The following CNTNAP5 variants were observed in gnomAD, a reference collection of about 807,000 sequenced individuals.
CNTNAP5 encodes the protein contactin associated protein family member 5.
Under a neutral mutation model 150.2 loss-of-function variants are expected in CNTNAP5, and 72 were observed. The observed-to-expected ratio is 0.48, with a 90% CI of 0.40 to 0.58. The LOEUF is 0.58. CNTNAP5 is among the 20% of genes least tolerant of loss of function. The pLI, the probability that CNTNAP5 is intolerant of heterozygous loss-of-function variation, is 0.00. For missense variants in CNTNAP5, 1,636 were observed against 1,626.2 expected, an observed-to-expected ratio of 1.01 and a Z score of -0.10; for synonymous variants, 672 against 619.8, an observed-to-expected ratio of 1.08 and a Z score of -1.25.
At chr2:124,721,097 T>G (rs539761055) in intron 13 of CNTNAP5, among the ~76,000 whole-genome samples, 1 of 152,282 alleles carries the variant, frequency 6.6e-6, no homozygotes, top group African/African-American at 2.4e-5. Flanking sequence ...CACCTTTGCC[T>G]CTGTCCAGCT....
chr2:124,114,507 T>G (rs1276927003), intron 1 of CNTNAP5, among the ~76,000 whole-genome samples: 1 of 151,992 alleles, frequency 6.6e-6, no homozygotes, highest in Non-Finnish European at 1.5e-5. Context: ...TGAATCCTAA[T>G]AATTTATTTA....
intron 1 of CNTNAP5, among the ~76,000 whole-genome samples, chr2:124,119,187 T>G (rs1683499289): frequency 6.6e-6 from 1 of 152,132 alleles, no homozygotes; most frequent in Non-Finnish European, 1.5e-5. Flanking sequence ...AGAAGGAACT[T>G]CCCCACTCAC....
chr2:124,918,560 T>G lies in CNTNAP5; in HGVS notation c.*4272T>G, dbSNP rs2104775908. 6.6e-6 allele frequency among the ~76,000 whole-genome samples: 1 copy of G among 152,176 alleles called. No homozygotes were observed. Among genetic ancestry groups the G allele is most frequent in the East Asian group, 1.9e-4 (1 of 5,140 alleles). On this transcript the variant is annotated 3_prime_UTR_variant, in exon 24 of 24. Coordinates refer to ENST00000682447, the MANE Select transcript of CNTNAP5 (RefSeq NM_001367498.1). ...TCCAAGATATCCAGGGAGATGAGGA[T>G]GAGACCTGTTGAATTTTTTCTTAGG...
In CNTNAP5 at chr2:124,419,140, C is replaced by CAAAAAAA. The variant is rs778863758; in HGVS notation, c.529+1567_529+1573dup. On this transcript the variant is annotated intron_variant, in intron 4 of 23. Coordinates refer to ENST00000682447, the MANE Select transcript of CNTNAP5 (RefSeq NM_001367498.1). ...TGGGCGACAGAGCGAGACTCCTTCTCAAAAAAAAAAAAAAAAAAAAAAACA... is the reference window on the plus strand; with the variant it reads ...TGGGCGACAGAGCGAGACTCCTTCTCAAAAAAAAAAAAAAAAAAAAAAAAAAAAAACA... Among the ~76,000 whole-genome samples the CAAAAAAA allele has an allele frequency of 5.2e-4, 15 of 28,914 alleles. 2 individuals are homozygous for CAAAAAAA. The highest frequency in any genetic ancestry group is 1.1e-3 in the African/African-American group (10 of 9,432). 19.0% of individuals were successfully genotyped at this position (28,914 alleles called of 152,430 possible).
At chr2:124,826,787 T>C (rs1015203155) in intron 19 of CNTNAP5, among the ~76,000 whole-genome samples, 1 of 152,150 alleles carries the variant, frequency 6.6e-6, no homozygotes, top group African/African-American at 2.4e-5. Context: ...ACCCCTGAGA[T>C]AGCGCTCACC....
intron 3 of CNTNAP5, among the ~76,000 whole-genome samples, chr2:124,322,894 A>G (rs1176341172): frequency 6.6e-6 from 1 of 152,208 alleles, no homozygotes; most frequent in Non-Finnish European, 1.5e-5. Flanking sequence ...AATAAACATT[A>G]GCTGAGCATC....
intron 3 of CNTNAP5, among the ~76,000 whole-genome samples, chr2:124,266,032 A>G (rs913780240): frequency 3.3e-5 from 5 of 152,102 alleles, no homozygotes; most frequent in African/African-American, 1.2e-4. Flanking sequence ...TCCCATCCTT[A>G]TTAGCTCCGT....
chr2:124,383,230 G>A (rs1230826119), intron 3 of CNTNAP5, among the ~76,000 whole-genome samples: 1 of 152,114 alleles, frequency 6.6e-6, no homozygotes, highest in Admixed American at 6.6e-5. Flanking sequence ...GCTTTCCCTG[G>A]AGCTTACAAT....
intron 13 of CNTNAP5, among the ~76,000 whole-genome samples, chr2:124,701,546 T>A (rs142410501): frequency 7.2e-4 from 109 of 152,276 alleles, no homozygotes; most frequent in African/African-American, 2.5e-3. Flanking sequence ...ATGCATTGAA[T>A]AGGGATCACT....
chr2:124,732,930 A>G (rs1475831681), intron 13 of CNTNAP5, among the ~76,000 whole-genome samples: 3 of 152,178 alleles, frequency 2.0e-5, no homozygotes, highest in African/African-American at 7.2e-5. Flanking sequence ...TCAGAATATA[A>G]ACAACAGTGG....
At chr2:124,766,918 T>C (rs1391992157) in intron 16 of CNTNAP5, among the ~76,000 whole-genome samples, 1 of 152,104 alleles carries the variant, frequency 6.6e-6, no homozygotes, top group Non-Finnish European at 1.5e-5. Context: ...GAACATATAC[T>C]CTCCAAGACA....
chr2:124,840,552 TAAC>T (rs998687195), intron 19 of CNTNAP5, among the ~76,000 whole-genome samples: 3 of 152,060 alleles, frequency 2.0e-5, no homozygotes, highest in African/African-American at 7.2e-5. Flanking sequence ...TGGCTGCAAC[TAAC>T]AACCTTATCA....
At chr2:124,782,140 T>C (rs111738418) in intron 17 of CNTNAP5, among the ~76,000 whole-genome samples, 2 of 152,240 alleles carry the variant, frequency 1.3e-5, no homozygotes, top group Non-Finnish European at 2.9e-5. Flanking sequence ...TATTGTGTTA[T>C]GCGTTTCCTC....
In CNTNAP5 at chr2:124,918,374, G is replaced by A. The variant is rs1160966769; in HGVS notation, c.*4086G>A. Among the ~76,000 whole-genome samples the A allele has an allele frequency of 6.6e-6, 1 of 152,002 alleles. No individual in the cohort carries two copies. The highest frequency in any genetic ancestry group is 1.5e-5 in the Non-Finnish European group (1 of 67,984). ...CTAACTGAAGTCTACCCTTCCATCA[G>A]TAATTGACTAAAAAAATGTTGTCCA... On this transcript the variant is annotated 3_prime_UTR_variant, in exon 24 of 24. Coordinates refer to ENST00000682447, the MANE Select transcript of CNTNAP5 (RefSeq NM_001367498.1).
At chr2:124,682,044 C>A (rs1475501529) in intron 13 of CNTNAP5, among the ~76,000 whole-genome samples, 1 of 152,206 alleles carries the variant, frequency 6.6e-6, no homozygotes, top group Non-Finnish European at 1.5e-5. Context: ...AAGCATCTTA[C>A]AAGACAGCCT....
At chr2:124,492,834 A>AT (rs34456340) in intron 7 of CNTNAP5, among the ~76,000 whole-genome samples, 3 of 151,882 alleles carry the variant, frequency 2.0e-5, no homozygotes, top group Non-Finnish European at 2.9e-5. Flanking sequence ...TTGCAACTTT[A>AT]GGAATTTATT....
At chr2:124,650,802 A>G (rs1436534459) in intron 13 of CNTNAP5, among the ~76,000 whole-genome samples, 1 of 152,334 alleles carries the variant, frequency 6.6e-6, no homozygotes, top group Non-Finnish European at 1.5e-5. Context: ...ATTTTATTAT[A>G]TGGAGCTACT....
chr2:124,199,410 GTTCTTTTTTTTT>G (rs1416140754), intron 1 of CNTNAP5, among the ~76,000 whole-genome samples: 2 of 82,096 alleles, frequency 2.4e-5, no homozygotes, highest in African/African-American at 9.3e-5. Context: ...TTATTCCAAG[GTTCTTTTTTTTT>G]TTTTTTTTTT....
chr2:124,123,754 C>T (rs947555691), intron 1 of CNTNAP5, among the ~76,000 whole-genome samples: 5 of 152,154 alleles, frequency 3.3e-5, no homozygotes, highest in Non-Finnish European at 7.4e-5. Context: ...GCAATATTTG[C>T]GGTTCTGCAG....
Sources: allele counts gnomAD v4.1 joint callset (sites outside exome capture counted in the v4.1 genomes callset), GRCh38; gene constraint gnomAD v4.1.1; transcripts MANE v1.5; gene names NCBI Gene and HGNC (gene_info 2026-07-23, HGNC 2026-07-21).